Variants in FOXP2 observed in about 807,000 individuals in gnomAD.
The protein encoded by FOXP2 is forkhead box P2.
FOXP2 carries 12 observed loss-of-function variants against 115.8 expected under a neutral mutation model. The ratio of observed to expected loss-of-function variants is 0.10; its 90% confidence interval spans 0.07 to 0.17. FOXP2 has a LOEUF of 0.17. Among genes scored for constraint, FOXP2 ranks in the 10% least tolerant of loss-of-function variants. FOXP2 has a pLI of 1.00. For missense variants in FOXP2, 629 were observed against 843.5 expected (o/e 0.75, Z 3.15); for synonymous variants, 328 against 297.7 (o/e 1.10, Z -1.05).
At chr7:114,353,868 A>G (rs1365221906) in intron 2 of FOXP2, among the ~76,000 whole-genome samples, 1 of 152,096 alleles carries the variant, frequency 6.6e-6, no homozygotes, top group Non-Finnish European at 1.5e-5. Context: ...AACCCATCTC[A>G]TACAATAAGG....
At chr7:114,498,330 C>A (rs993379912) in intron 2 of FOXP2, among the ~76,000 whole-genome samples, 1 of 152,118 alleles carries the variant, frequency 6.6e-6, no homozygotes, top group Non-Finnish European at 1.5e-5. Context: ...ACATTTGCAC[C>A]TCTTGTTCAG....
intron 2 of FOXP2, among the ~76,000 whole-genome samples, chr7:114,330,684 A>G (rs547427116): frequency 1.3e-5 from 2 of 152,128 alleles, no homozygotes; most frequent in East Asian, 1.9e-4. Flanking sequence ...GAAGAGGACA[A>G]ACTATCAGAA....
At chr7:114,569,230 A>G (rs1219938020) in intron 3 of FOXP2, among the ~76,000 whole-genome samples, 5 of 151,948 alleles carry the variant, frequency 3.3e-5, no homozygotes, top group Admixed American at 6.6e-5. Context: ...GATTTTAACG[A>G]AAGTTACAGC....
intron 2 of FOXP2, among the ~76,000 whole-genome samples, chr7:114,441,829 A>G (rs898617619): frequency 8.5e-5 from 13 of 152,224 alleles, no homozygotes; most frequent in African/African-American, 3.1e-4. Flanking sequence ...TACTTACAAG[A>G]ATAGCTACAG....
At position 114,497,907 on chromosome 7, in the gene FOXP2, A is replaced by G. The variant is rs549207061; in HGVS notation, c.169-36710A>G. ...TGGAGACAATATTATCTCCACTTAT[A>G]GATGATGAGATTCAGATTAAAAAAC... On this transcript the variant is annotated intron_variant, in intron 2 of 16. Coordinates refer to ENST00000350908, the MANE Select transcript of FOXP2 (RefSeq NM_014491.4). Among the ~76,000 whole-genome samples, 5 of 152,220 alleles carry G rather than the reference A, an allele frequency of 3.3e-5. No homozygotes were observed. In the South Asian group the frequency reaches 1.0e-3, roughly 32 times the overall value.
intron 1 of FOXP2, among the ~76,000 whole-genome samples, chr7:114,174,296 A>G (rs1793229197): frequency 6.6e-6 from 1 of 151,996 alleles, no homozygotes; most frequent in South Asian, 2.1e-4. Flanking sequence ...ATTCAGAGGG[A>G]AAGAATTCTT....
At chr7:114,220,022 A>T (rs910193525) in intron 1 of FOXP2, among the ~76,000 whole-genome samples, 1 of 147,040 alleles carries the variant, frequency 6.8e-6, no homozygotes, top group African/African-American at 2.5e-5. Context: ...GCGCACCACC[A>T]TGCTCAGCTA....
chr7:114,195,059 G>A (rs144197344), intron 1 of FOXP2, among the ~76,000 whole-genome samples: 1 of 152,098 alleles, frequency 6.6e-6, no homozygotes, highest in African/African-American at 2.4e-5. Flanking sequence ...GTTAAACTGG[G>A]CTGATTGTTG....
chr7:114,467,351 T>C (rs906275942), intron 2 of FOXP2, among the ~76,000 whole-genome samples: 5 of 152,178 alleles, frequency 3.3e-5, no homozygotes, highest in African/African-American at 7.2e-5. Flanking sequence ...AGTATATTGC[T>C]TGAATTGAAT....
intron 2 of FOXP2, among the ~76,000 whole-genome samples, chr7:114,399,396 A>G (rs12534017): frequency 6.6e-6 from 1 of 151,886 alleles, no homozygotes; most frequent in Non-Finnish European, 1.5e-5. Context: ...GTGTGAGCCA[A>G]TGCACCCAGC....
At chr7:114,294,346 C>G (rs1796682467) in intron 2 of FOXP2, among the ~76,000 whole-genome samples, 2 of 152,212 alleles carry the variant, frequency 1.3e-5, no homozygotes, top group South Asian at 2.1e-4. Context: ...ACTAATCTAT[C>G]CTGATAGTTT....
intron 1 of FOXP2, among the ~76,000 whole-genome samples, chr7:114,422,097 T>C (rs1281676273): frequency 2.6e-5 from 4 of 151,746 alleles, no homozygotes; most frequent in African/African-American, 9.7e-5. Flanking sequence ...TAAGGAGGTA[T>C]TTAAGAATAT....
At chr7:114,086,767 G>C (rs1032191322), upstream of FOXP2, among the ~76,000 whole-genome samples, 1 of 152,218 alleles carries the variant, frequency 6.6e-6, no homozygotes, top group African/African-American at 2.4e-5. Context: ...CCTGCTTGCC[G>C]GGGCGAGTGT....
chr7:114,319,037 G>A (rs991470422), intron 2 of FOXP2, among the ~76,000 whole-genome samples: 2 of 151,928 alleles, frequency 1.3e-5, no homozygotes, highest in African/African-American at 2.4e-5. Context: ...TACCAGATTA[G>A]CTAGCAACCC....
intron 2 of FOXP2, among the ~76,000 whole-genome samples, chr7:114,491,430 C>CA (rs1380301948): frequency 6.6e-6 from 1 of 151,830 alleles, no homozygotes; most frequent in Non-Finnish European, 1.5e-5. Context: ...GAGTAGATTG[C>CA]AAAAATTTTC....
chr7:114,672,933 C>T lies in FOXP2; in HGVS notation c.2003+8497C>T, dbSNP rs566250567. On this transcript the variant is annotated intron_variant, in intron 16 of 16. Coordinates refer to ENST00000350908, the MANE Select transcript of FOXP2 (RefSeq NM_014491.4). ...AATGGGTAAGCCACATCCAAAAGAGCGGCCACAGCAGTAGGGCTCAACTAC... is the reference window on the plus strand; with the variant it reads ...AATGGGTAAGCCACATCCAAAAGAGTGGCCACAGCAGTAGGGCTCAACTAC... 5.3e-5 allele frequency among the ~76,000 whole-genome samples: 8 copies of T among 152,244 alleles called. No individual in the cohort carries two copies. The East Asian group carries it at 1.2e-3, about 22-fold the overall frequency.
chr7:114,608,533 CA>C (rs1005285406), intron 3 of FOXP2, among the ~76,000 whole-genome samples: 48 of 152,206 alleles, frequency 3.2e-4, no homozygotes, highest in African/African-American at 7.9e-4. Flanking sequence ...AGCTATATAA[CA>C]AAACCTAATT....
At chr7:114,311,996 T>A (rs1797157330) in intron 2 of FOXP2, among the ~76,000 whole-genome samples, 1 of 152,062 alleles carries the variant, frequency 6.6e-6, no homozygotes, top group Non-Finnish European at 1.5e-5. Context: ...CCAAGCTGGG[T>A]GGGGCAGGAG....
intron 1 of FOXP2, among the ~76,000 whole-genome samples, chr7:114,152,666 G>A (rs528254657): frequency 1.7e-3 from 257 of 152,280 alleles, no homozygotes; most frequent in Non-Finnish European, 2.4e-3. Flanking sequence ...TGTAGTCAAG[G>A]GAGGTTGCTT....
Sources: gnomAD v4.1 joint callset for allele counts (sites outside exome capture counted in the v4.1 genomes callset) on GRCh38, gnomAD v4.1.1 for gene constraint, MANE v1.5 for transcripts, NCBI Gene and HGNC (gene_info 2026-07-23, HGNC 2026-07-21) for gene names.